BCOR: variants seen among roughly 807,000 people sequenced by gnomAD.
BCOR encodes the protein BCL-6 corepressor.
Under a neutral mutation model 86.7 loss-of-function variants are expected in BCOR, and 10 were observed. The observed-to-expected ratio is 0.12, with a 90% CI of 0.07 to 0.20. BCOR has a LOEUF of 0.20. Among genes scored for constraint, BCOR ranks in the 10% least tolerant of loss-of-function variants. The pLI is 1.00. For missense variants in BCOR, 1,259 were observed against 1,452.1 expected (o/e 0.87, Z 2.16); for synonymous variants, 611 against 609.0 (o/e 1.00, Z -0.05).
intron 1 of BCOR, among the ~76,000 whole-genome samples, chrX:40,174,463 G>C (rs1424165142): frequency 2.7e-5 from 3 of 112,574 alleles, no homozygotes; most frequent in African/African-American, 9.7e-5. Context: ...CGCGTGGTGC[G>C]CAAGAAAGAG....
chrX:40,132,931 C>T lies in BCOR; in HGVS notation c.-41+44076G>A, dbSNP rs775804211. On this transcript the variant is annotated intron_variant, in intron 1 of 14. Transcript: ENST00000342274. ...GGCCTAGTGAGTCAGTATTTTCAGG[C>T]GTGGGGCCAGGACTCTGAATTCTGA... is the stretch of plus-strand genomic sequence containing the variant. Among the ~76,000 whole-genome samples the T allele has an allele frequency of 3.6e-5, 4 of 111,743 alleles. No individual in the cohort carries two copies. In the South Asian group the frequency reaches 1.1e-3, roughly 31 times the overall value.
chrX:40,061,517 A>G (rs1343390614), intron 10 of BCOR, among the ~76,000 whole-genome samples: 3 of 111,511 alleles, frequency 2.7e-5, no homozygotes, highest in Non-Finnish European at 5.7e-5. Flanking sequence ...AACGTAAGCT[A>G]TCATTGTCAT....
At position 40,116,769 on chromosome X, in the gene BCOR, G is replaced by T. The variant is rs146540186; in HGVS notation, c.-40-38800C>A. On this transcript the variant is annotated intron_variant, in intron 1 of 14. Transcript: ENST00000342274. Reference sequence around the variant, plus strand: ...TTGGGTGCTTTATTTGGATCTGAAGGCAGTGGCCTTACTGCATCCTGGCAT... The same window carrying T: ...TTGGGTGCTTTATTTGGATCTGAAGTCAGTGGCCTTACTGCATCCTGGCAT... Among the ~76,000 whole-genome samples the T allele has an allele frequency of 5.4e-3, 612 of 112,410 alleles. 7 individuals are homozygous for T. The highest frequency in any genetic ancestry group is 8.2e-3 in the Non-Finnish European group (439 of 53,222).
intron 1 of BCOR, among the ~76,000 whole-genome samples, chrX:40,173,943 C>G (rs1338130338): frequency 8.8e-6 from 1 of 113,032 alleles, no homozygotes; most frequent in Non-Finnish European, 1.9e-5. Flanking sequence ...GATGCAAATA[C>G]CACTTCTGTA....
intron 1 of BCOR, among the ~76,000 whole-genome samples, chrX:40,168,591 C>T (rs1430001542): frequency 8.9e-6 from 1 of 112,277 alleles, no homozygotes; most frequent in Admixed American, 9.3e-5. Context: ...GGGGGTGCTC[C>T]GGCGGTGCGC....
intron 1 of BCOR, among the ~76,000 whole-genome samples, chrX:40,160,974 CTTT>C (rs1376088192): frequency 9.5e-6 from 1 of 104,751 alleles, no homozygotes; most frequent in African/African-American, 3.6e-5. Flanking sequence ...CGAACTCGGC[CTTT>C]TTTATTTTTT....
intron 1 of BCOR, among the ~76,000 whole-genome samples, chrX:40,158,060 G>C: frequency 8.9e-6 from 1 of 112,310 alleles, no homozygotes; most frequent in Non-Finnish European, 1.9e-5. Flanking sequence ...GAAATGGCTT[G>C]GGTGTGGGGC....
At chrX:40,100,356 C>T (rs890656188), upstream of BCOR, among the ~76,000 whole-genome samples, 3 of 112,476 alleles carry the variant, frequency 2.7e-5, no homozygotes, top group Non-Finnish European at 5.6e-5. Flanking sequence ...CTCGGTTAGG[C>T]CGAACCGCAG....
chrX:40,146,745 A>G (rs751074556), intron 1 of BCOR: 1 of 111,977 alleles, frequency 8.9e-6, no homozygotes, highest in South Asian at 3.7e-4. Context: ...GGGGTTCGCA[A>G]GCTGGGCCCT....
intron 1 of BCOR, among the ~76,000 whole-genome samples, chrX:40,130,303 G>C (rs1345124329): frequency 8.9e-6 from 1 of 111,833 alleles, no homozygotes; most frequent in East Asian, 2.8e-4. Context: ...ACTGAGGGGA[G>C]GGCAGCCTGC....
At position 40,073,986 on chromosome X, in the gene BCOR, T is replaced by G; in HGVS notation, c.1360A>C (p.Lys454Gln). The change falls in exon 4 of 15, where the codon AAA becomes CAA. Residue 454 changes from lysine (K) to glutamine (Q), a missense_variant. Coordinates refer to ENST00000378444, the MANE Select transcript of BCOR (RefSeq NM_001123385.2). ...GCCATCTTTTTCATGTGGTCAGCTT[T>G]GGAAGCATCTACATCCACCACTTTA... ...SSKVVDVDAS[K>Q]ADHMKKMAPT... 3.3e-6 allele frequency: 4 copies of G among 1,212,396 alleles called. No individual in the cohort carries two copies. Among genetic ancestry groups the G allele is most frequent in the Non-Finnish European group, 4.5e-6 (4 of 895,667 alleles).
At chrX:40,160,781 A>G (rs1409299918) in intron 1 of BCOR, among the ~76,000 whole-genome samples, 5 of 101,136 alleles carry the variant, frequency 4.9e-5, no homozygotes, top group Non-Finnish European at 9.9e-5. Context: ...CTCCTGCCTC[A>G]GCCTCCTCAG....
At chrX:40,102,673 T>TC (rs1937094814), upstream of BCOR, among the ~76,000 whole-genome samples, 3 of 113,219 alleles carry the variant, frequency 2.6e-5, no homozygotes, top group South Asian at 1.1e-3. Context: ...CCAGCTTCCC[T>TC]CCTCCACTCC....
At position 40,131,724 on chromosome X, in the gene BCOR, A is replaced by C. The variant is rs1201396154; in HGVS notation, c.-41+45283T>G. On this transcript the variant is annotated intron_variant, in intron 1 of 14. Transcript: ENST00000342274. ...TGGCCCAGTAGACATGAACAACTGC[A>C]AGCGACTGGAGACCTGGCACCTGGC... Among the ~76,000 whole-genome samples the C allele has an allele frequency of 3.6e-5, 4 of 111,671 alleles. No individual in the cohort carries two copies. The East Asian group carries it at 1.1e-3, about 31-fold the overall frequency.
At chrX:40,174,423 G>C (rs1938697318) in intron 1 of BCOR, among the ~76,000 whole-genome samples, 1 of 112,451 alleles carries the variant, frequency 8.9e-6, no homozygotes, top group Non-Finnish European at 1.9e-5. Flanking sequence ...AGCGCCACCC[G>C]GAGAGTTCAC....
chrX:40,123,827 G>A (rs770180668), intron 1 of BCOR, among the ~76,000 whole-genome samples: 16 of 107,140 alleles, frequency 1.5e-4, no homozygotes, highest in Non-Finnish European at 2.7e-4. Context: ...GTGTGCACGC[G>A]CGCACGCATA....
chrX:40,068,994 C>T (rs1406148500), intron 6 of BCOR, among the ~76,000 whole-genome samples: 1 of 112,658 alleles, frequency 8.9e-6, no homozygotes, highest in African/African-American at 3.2e-5. Context: ...CTTTGTGACC[C>T]CTGCCTGCCC....
At chrX:40,112,856 C>T (rs1937333548) in intron 1 of BCOR, among the ~76,000 whole-genome samples, 1 of 110,771 alleles carries the variant, frequency 9.0e-6, no homozygotes, top group African/African-American at 3.3e-5. Flanking sequence ...CCTTTAGAAC[C>T]TGCTCTTTGC....
At chrX:40,096,549 G>A (rs1274251253) in intron 1 of BCOR, among the ~76,000 whole-genome samples, 4 of 111,641 alleles carry the variant, frequency 3.6e-5, no homozygotes, top group Non-Finnish European at 7.5e-5. Flanking sequence ...CGTGCTTTGG[G>A]GCAAGCCAAG....
Sources: gnomAD v4.1 joint callset for allele counts (sites outside exome capture counted in the v4.1 genomes callset) on GRCh38, gnomAD v4.1.1 for gene constraint, MANE v1.5 for transcripts, NCBI Gene and HGNC (gene_info 2026-07-23, HGNC 2026-07-21) for gene names.